ADAMTS20: variants seen among roughly 807,000 people sequenced by gnomAD.
ADAMTS20 encodes the protein A disintegrin and metalloproteinase with thrombospondin motifs 20.
A neutral mutation model predicts 260.1 loss-of-function variants in ADAMTS20; 225 were observed. The ratio of observed to expected loss-of-function variants is 0.87; its 90% CI spans 0.78 to 0.97. ADAMTS20 has a LOEUF of 0.97. Among genes scored for constraint, ADAMTS20 ranks in the 50% least tolerant of loss-of-function variants. ADAMTS20 has a pLI of 0.00. For synonymous variants in ADAMTS20, 802 were observed against 769.5 expected, an observed-to-expected ratio of 1.04 and a Z score of -0.70; for missense variants, 2,400 against 2,337.7, an observed-to-expected ratio of 1.03 and a Z score of -0.55.
intron 16 of ADAMTS20, among the ~76,000 whole-genome samples, chr12:43,440,796 G>C (rs1310180483): frequency 6.6e-6 from 1 of 152,086 alleles, no homozygotes; most frequent in East Asian, 1.9e-4. Context: ...TTAGAAAAAA[G>C]GTACAAAGCT....
intron 29 of ADAMTS20, among the ~76,000 whole-genome samples, chr12:43,384,901 G>C (rs1241353485): frequency 2.0e-5 from 3 of 152,192 alleles, no homozygotes; most frequent in Non-Finnish European, 4.4e-5. Flanking sequence ...ATTGTGAACA[G>C]TGCTGCTATA....
At chr12:43,357,815 G>A (rs1056005557) in intron 37 of ADAMTS20, among the ~76,000 whole-genome samples, 2 of 152,078 alleles carry the variant, frequency 1.3e-5, no homozygotes, top group Admixed American at 1.3e-4. Context: ...ACATTAAATA[G>A]TAGTATTATA....
At chr12:43,482,488 G>T (rs1050079068) in intron 7 of ADAMTS20, among the ~76,000 whole-genome samples, 1 of 152,214 alleles carries the variant, frequency 6.6e-6, no homozygotes, top group African/African-American at 2.4e-5. Flanking sequence ...AAGAGTGTGG[G>T]AGCTGAGTGG....
chr12:43,433,458 C>T (rs1002390118), intron 19 of ADAMTS20, among the ~76,000 whole-genome samples: 1 of 152,142 alleles, frequency 6.6e-6, no homozygotes, highest in African/African-American at 2.4e-5. Context: ...CACTGTGCTT[C>T]CTTTTACTAC....
At chr12:43,451,138 G>T (rs986583823) in intron 14 of ADAMTS20, among the ~76,000 whole-genome samples, 2 of 152,172 alleles carry the variant, frequency 1.3e-5, no homozygotes, top group African/African-American at 4.8e-5. Context: ...CAACATGGAT[G>T]AACCTGGAGG....
At chr12:43,405,876 A>G (rs1409833314) in intron 28 of ADAMTS20, among the ~76,000 whole-genome samples, 3 of 152,218 alleles carry the variant, frequency 2.0e-5, no homozygotes, top group Non-Finnish European at 4.4e-5. Flanking sequence ...CATCGTTGAA[A>G]ATGTAAGCAC....
chr12:43,459,998 A>C (rs1166547893), intron 11 of ADAMTS20, among the ~76,000 whole-genome samples: 3 of 152,240 alleles, frequency 2.0e-5, no homozygotes, highest in Non-Finnish European at 4.4e-5. Context: ...CAGCACACAC[A>C]CTCATTAGAT....
rs147283483 is a variant in ADAMTS20 at position 43,395,059 on chromosome 12, C to T, written c.4452+4007G>A. Among the ~76,000 whole-genome samples, 116 of 152,116 alleles carry T rather than the reference C, an allele frequency of 7.6e-4. 1 individual carries two copies. The highest frequency in any genetic ancestry group is 2.7e-3 in the African/African-American group (114 of 41,496). ...AGAGTGCTAGTCACCTCAGCCTACC[C>T]CAAGAAAGGCCATTTTAAATATCAA... On this transcript the variant is annotated intron_variant, in intron 29 of 38. Coordinates refer to ENST00000389420, the MANE Select transcript of ADAMTS20 (RefSeq NM_025003.5).
At position 43,354,358 on chromosome 12, in the gene ADAMTS20, T is replaced by C. The variant is rs573737686; in HGVS notation, c.5644-60A>G. The C allele has an allele frequency of 1.8e-4, 226 of 1,283,854 alleles. 3 individuals are homozygous for C. In the South Asian group the frequency reaches 2.4e-3, roughly 14 times the overall value. 79.5% of individuals were successfully genotyped at this position (1,283,854 alleles called of 1,614,324 possible). On this transcript the variant is annotated intron_variant, in intron 38 of 38. Transcript: ENST00000389420. ...ATACAAGCTGGTATCTGTATGCAAATAGCAGAAAAAGCAAATGCTTTGAAT... is the reference window on the plus strand; with the variant it reads ...ATACAAGCTGGTATCTGTATGCAAACAGCAGAAAAAGCAAATGCTTTGAAT...
rs796960349 is a variant in ADAMTS20, at chr12:43,396,668, C to T, written c.4452+2398G>A. On this transcript the variant is annotated intron_variant, in intron 29 of 38. Transcript: ENST00000389420. ...AAAAAAGCATCTATTTTTTATAGTCCTTAAATATTCATATCTGTATTTTTG... is the reference window on the plus strand; with the variant it reads ...AAAAAAGCATCTATTTTTTATAGTCTTTAAATATTCATATCTGTATTTTTG... 3.3e-5 allele frequency among the ~76,000 whole-genome samples: 5 copies of T among 152,106 alleles called. No individual in the cohort carries two copies. In the South Asian group the frequency reaches 6.2e-4, roughly 19 times the overall value.
At chr12:43,357,276 G>T (rs1479105465) in intron 37 of ADAMTS20, among the ~76,000 whole-genome samples, 1 of 152,144 alleles carries the variant, frequency 6.6e-6, no homozygotes, top group Non-Finnish European at 1.5e-5. Context: ...AACAAGTTCA[G>T]TCTACTGACA....
chr12:43,407,953 C>T (rs1940949672), intron 28 of ADAMTS20, among the ~76,000 whole-genome samples: 1 of 152,088 alleles, frequency 6.6e-6, no homozygotes, highest in Admixed American at 6.5e-5. Context: ...ATTTCAGACT[C>T]CTCTATAAAA....
chr12:43,506,777 C>T (rs375099518), intron 3 of ADAMTS20, among the ~76,000 whole-genome samples: 5,731 of 133,934 alleles, frequency 0.043, 160 homozygotes, highest in African/African-American at 0.084. Flanking sequence ...CGTGCCTGGC[C>T]ACCTTTTTTT....
chr12:43,421,829 A>G (rs1024740548), intron 28 of ADAMTS20, among the ~76,000 whole-genome samples: 3 of 152,122 alleles, frequency 2.0e-5, no homozygotes, highest in Non-Finnish European at 4.4e-5. Context: ...TAGCTTATAC[A>G]TAAACTAAAT....
rs571736157 is a variant in ADAMTS20 at position 43,547,864 on chromosome 12, T to C, written c.453+3045A>G. On this transcript the variant is annotated intron_variant, in intron 2 of 38. Coordinates refer to ENST00000389420, the MANE Select transcript of ADAMTS20 (RefSeq NM_025003.5). Reference sequence around the variant, plus strand: ...AACTAGGAGAAAAAAGGCCATAAGTTCTCAGGCCCAGAAATCAGCTGCTGT... The same window carrying C: ...AACTAGGAGAAAAAAGGCCATAAGTCCTCAGGCCCAGAAATCAGCTGCTGT... Among the ~76,000 whole-genome samples, 10 of 152,196 alleles carry C rather than the reference T, an allele frequency of 6.6e-5. No individual in the cohort carries two copies. In the East Asian group the frequency reaches 1.9e-3, roughly 29 times the overall value.
intron 28 of ADAMTS20, among the ~76,000 whole-genome samples, chr12:43,414,910 T>C (rs1941100751): frequency 6.6e-6 from 1 of 152,108 alleles, no homozygotes; most frequent in Non-Finnish European, 1.5e-5. Context: ...AGGTCCCACA[T>C]TAAAAACAAT....
At chr12:43,536,220 C>T (rs924432374) in intron 2 of ADAMTS20, among the ~76,000 whole-genome samples, 6 of 152,114 alleles carry the variant, frequency 3.9e-5, no homozygotes, top group African/African-American at 7.2e-5. Flanking sequence ...TTGTCCAAGG[C>T]TCATACCTAG....
At chr12:43,376,002 C>T (rs1244790806) in intron 35 of ADAMTS20, 55 bp downstream of exon 35, 2 of 1,328,884 alleles carry the variant, frequency 1.5e-6, no homozygotes, top group Non-Finnish European at 2.1e-6. Context: ...CTAGAAGTTC[C>T]AATTCTCTTG....
intron 2 of ADAMTS20, 46 bp from the exon 3 acceptor site, chr12:43,532,241 A>T (rs375044542): frequency 2.6e-6 from 4 of 1,543,850 alleles, no homozygotes; most frequent in South Asian, 2.4e-5. Context: ...ACAGTCGCCA[A>T]GAAGAAAAAA....
Sources: gnomAD v4.1 joint callset for allele counts (sites outside exome capture counted in the v4.1 genomes callset) on GRCh38, gnomAD v4.1.1 for gene constraint, MANE v1.5 for transcripts, NCBI Gene and HGNC (gene_info 2026-07-23, HGNC 2026-07-21) for gene names.